NAT1: variants seen among roughly 807,000 people sequenced by gnomAD.
The protein encoded by NAT1 is arylamine N-acetyltransferase 1.
For missense variants in NAT1, 400 were observed against 339.2 expected (o/e 1.18, Z -1.41); for synonymous variants, 144 against 122.6 (o/e 1.17, Z -1.16).
chr8:18,204,193 G>A (rs1052800361), intron 2 of NAT1, among the ~76,000 whole-genome samples: 3 of 149,906 alleles, frequency 2.0e-5, no homozygotes, highest in Admixed American at 2.0e-4. Context: ...CTCGCAAAGA[G>A]CTGCTCTCCC....
At chr8:18,201,892 C>T (rs1420804334) in intron 2 of NAT1, among the ~76,000 whole-genome samples, 1 of 152,198 alleles carries the variant, frequency 6.6e-6, no homozygotes, top group African/African-American at 2.4e-5. Context: ...CCCTTTTCAT[C>T]AAAGGACTCC....
chr8:18,222,327 T>C lies in NAT1; in HGVS notation c.280T>C (p.Tyr94His). Reference protein sequence around the residue: ...FETTMLGGYVYSTPAKKYSTG... With the variant: ...FETTMLGGYVHSTPAKKYSTG... ...GACCACGATGTTGGGAGGGTATGTT[T>C]ACAGCACTCCAGCCAAAAAATACAG... is the stretch of plus-strand genomic sequence containing the variant. Residue 94 changes from tyrosine (Y) to histidine (H), a missense_variant, in exon 3 of 3, where the codon TAC (tyrosine) becomes CAC (histidine). By Grantham distance (83) the Tyr-to-His change is moderately conservative. Transcript: ENST00000307719. The C allele has an allele frequency of 6.2e-7, 1 of 1,614,108 alleles. No homozygotes were observed. Among genetic ancestry groups the C allele is most frequent in the Non-Finnish European group, 8.5e-7 (1 of 1,180,004 alleles).
chr8:18,217,328 A>G (rs1804783583), intron 1 of NAT1, among the ~76,000 whole-genome samples: 1 of 152,254 alleles, frequency 6.6e-6, no homozygotes, highest in Non-Finnish European at 1.5e-5. Flanking sequence ...TTTGACCAAG[A>G]TAATATGCCC....
rs756584972 is a variant in NAT1 at position 18,222,380 on chromosome 8, G to C, written c.333G>C (p.Gln111His). 6.2e-7 allele frequency: 1 copy of C among 1,614,058 alleles called. No individual in the cohort carries two copies. Among genetic ancestry groups the C allele is most frequent in the Non-Finnish European group, 8.5e-7 (1 of 1,179,992 alleles). ...CTGGCATGATTCACCTTCTCCTGCA[G>C]GTGACCATTGATGGCAGGAACTACA... ...YSTGMIHLLL[Q>H]VTIDGRNYIV... Residue 111 changes from glutamine to histidine, a missense_variant, in exon 3 of 3, where the codon CAG becomes CAC. By Grantham distance (24) the Gln-to-His change is conservative. Coordinates refer to ENST00000307719, the MANE Select transcript of NAT1 (RefSeq NM_000662.8).
At chr8:18,213,823 T>C (rs1244772640) in intron 1 of NAT1, among the ~76,000 whole-genome samples, 2 of 151,810 alleles carry the variant, frequency 1.3e-5, no homozygotes, top group Admixed American at 6.6e-5. Flanking sequence ...TATTTCTTTT[T>C]TTTTTTTTTT....
At chr8:18,206,596 T>C (rs1431726752), upstream of NAT1, among the ~76,000 whole-genome samples, 1 of 152,224 alleles carries the variant, frequency 6.6e-6, no homozygotes, top group East Asian at 1.9e-4. Flanking sequence ...TTCATGTGTG[T>C]TGGCCGCATA....
chr8:18,186,563 C>A (rs1210655068), intron 2 of NAT1, among the ~76,000 whole-genome samples: 1 of 152,060 alleles, frequency 6.6e-6, no homozygotes, highest in Non-Finnish European at 1.5e-5. Flanking sequence ...TGCTTTAACA[C>A]AATTGCTGAT....
chr8:18,190,382 A>C (rs1228454494), intron 2 of NAT1, among the ~76,000 whole-genome samples: 1 of 152,252 alleles, frequency 6.6e-6, no homozygotes, highest in African/African-American at 2.4e-5. Flanking sequence ...AGCTTTGAAC[A>C]CAGCCTAGAG....
At chr8:18,195,975 G>A (rs1025505223) in intron 2 of NAT1, among the ~76,000 whole-genome samples, 3 of 151,906 alleles carry the variant, frequency 2.0e-5, no homozygotes, top group South Asian at 2.1e-4. Flanking sequence ...AAAAATGTAC[G>A]ATGCACTTTT....
chr8:18,187,342 A>C (rs1802780695), intron 2 of NAT1, among the ~76,000 whole-genome samples: 1 of 152,310 alleles, frequency 6.6e-6, no homozygotes, highest in South Asian at 2.1e-4. Flanking sequence ...CAATCCCATT[A>C]CTGGGTATAT....
chr8:18,200,105 A>G (rs1478435215), intron 2 of NAT1, among the ~76,000 whole-genome samples: 1 of 152,220 alleles, frequency 6.6e-6, no homozygotes, highest in Admixed American at 6.5e-5. Flanking sequence ...AATGTAAGTT[A>G]GTTCAGTCAC....
At chr8:18,198,515 A>C (rs1275166420) in intron 2 of NAT1, among the ~76,000 whole-genome samples, 1 of 152,246 alleles carries the variant, frequency 6.6e-6, no homozygotes, top group Non-Finnish European at 1.5e-5. Context: ...TCTTTCCAGC[A>C]ATAAACACTA....
At chr8:18,199,511 G>A (rs924284455) in intron 2 of NAT1, among the ~76,000 whole-genome samples, 1 of 151,974 alleles carries the variant, frequency 6.6e-6, no homozygotes, top group African/African-American at 2.4e-5. Context: ...AGAAAAATGT[G>A]CCATCCGTCC....
rs1221343907 is a variant in NAT1 at position 18,222,476 on chromosome 8, G to A, written c.429G>A (p.Gln143=). 6.2e-7 allele frequency: 1 copy of A among 1,614,094 alleles called. No homozygotes were observed. Among genetic ancestry groups the A allele is most frequent in the Admixed American group, 1.7e-5 (1 of 60,000 alleles). The change falls in exon 3 of 3, where the codon CAG becomes CAA. Residue 143 remains glutamine (Q), a synonymous_variant. Coordinates refer to ENST00000307719, the MANE Select transcript of NAT1 (RefSeq NM_000662.8). Reference sequence around the variant, plus strand: ...TGGAGTTAATTTCTGGGAAGGATCAGCCTCAGGTGCCTTGTGTCTTCCGTT... The same window carrying A: ...TGGAGTTAATTTCTGGGAAGGATCAACCTCAGGTGCCTTGTGTCTTCCGTT... The part of the protein sequence containing the change: ...QPLELISGKD[Q]PQVPCVFRLT...
At chr8:18,189,579 G>A (rs990386831) in intron 2 of NAT1, among the ~76,000 whole-genome samples, 1 of 152,182 alleles carries the variant, frequency 6.6e-6, no homozygotes, top group Non-Finnish European at 1.5e-5. Flanking sequence ...CAAGGGGAGT[G>A]GGAAGTGATT....
intron 2 of NAT1, among the ~76,000 whole-genome samples, chr8:18,181,812 C>T (rs1802534089): frequency 6.6e-6 from 1 of 152,100 alleles, no homozygotes; most frequent in African/African-American, 2.4e-5. Flanking sequence ...TGAAATGTTT[C>T]CGCTTCAGTC....
In NAT1 at chr8:18,223,604, A is replaced by G. The variant is rs1182283456; in HGVS notation, c.*684A>G. ...CTAAACTCCCAAAATTATTTGTTAT[A>G]TGGATCAAGTAATAACGTCAGTAAT... On this transcript the variant is annotated 3_prime_UTR_variant, in exon 3 of 3. Transcript: ENST00000307719. The G allele has an allele frequency of 6.0e-6, 1 of 166,946 alleles. No individual in the cohort carries two copies. Among genetic ancestry groups the G allele is most frequent in the Non-Finnish European group, 1.5e-5 (1 of 68,098 alleles). The allele number at this position is 166,946 out of a possible 1,614,324, so 10.3% of individuals were successfully genotyped here.
intron 2 of NAT1, among the ~76,000 whole-genome samples, chr8:18,181,138 G>C (rs1802497139): frequency 6.6e-6 from 1 of 151,758 alleles, no homozygotes; most frequent in Non-Finnish European, 1.5e-5. Context: ...CATTAGCATG[G>C]GATATCTTTC....
At chr8:18,216,363 C>T (rs545015871) in intron 1 of NAT1, among the ~76,000 whole-genome samples, 3 of 152,112 alleles carry the variant, frequency 2.0e-5, no homozygotes, top group African/African-American at 7.2e-5. Flanking sequence ...TATGAGCAAC[C>T]CCAAAAGCTT....
Sources: allele counts gnomAD v4.1 joint callset (sites outside exome capture counted in the v4.1 genomes callset), GRCh38; gene constraint gnomAD v4.1.1; transcripts MANE v1.5; gene names NCBI Gene and HGNC (gene_info 2026-07-23, HGNC 2026-07-21).